The following NBAS variants were observed in gnomAD, a reference collection of about 807,000 sequenced individuals.
NBAS encodes NBAS subunit of NRZ tethering complex.
In NBAS, 219 loss-of-function variants were observed where a neutral mutation model predicts 302.5. That is an observed-to-expected ratio of 0.72 (90% CI 0.65 to 0.81). NBAS has a LOEUF of 0.81. Ranked by LOEUF, NBAS falls within the 30% of genes least tolerant of loss-of-function variation. NBAS has a pLI of 0.00. For synonymous variants in NBAS, 1,118 were observed against 1,021.6 expected, an observed-to-expected ratio of 1.09 and a Z score of -1.80; for missense variants, 2,932 against 2,841.6, an observed-to-expected ratio of 1.03 and a Z score of -0.72.
the NBAS span, among the ~76,000 whole-genome samples, chr2:15,091,784 C>T: frequency 6.6e-6 from 1 of 152,210 alleles, no homozygotes; most frequent in African/African-American, 2.4e-5. Flanking sequence ...CTGCCAGCCT[C>T]GGCCTCCCGA....
chr2:15,279,731 C>T (rs539644209), intron 42 of NBAS, among the ~76,000 whole-genome samples: 2 of 152,254 alleles, frequency 1.3e-5, no homozygotes, highest in Non-Finnish European at 2.9e-5. Context: ...CCTTTACTGA[C>T]TCATGATAAA....
At chr2:15,205,602 C>G (rs547917818) in intron 48 of NBAS, among the ~76,000 whole-genome samples, 84 of 152,080 alleles carry the variant, frequency 5.5e-4, no homozygotes, top group Non-Finnish European at 1.1e-3. Context: ...CAGGAAAGAG[C>G]AGGAGTTGGA....
intron 48 of NBAS, among the ~76,000 whole-genome samples, chr2:15,205,918 T>C (rs895061803): frequency 3.2e-4 from 48 of 152,342 alleles, no homozygotes; most frequent in Admixed American, 3.1e-3. Flanking sequence ...AGGTAGGTCT[T>C]TATAGCAGTG....
intron 51 of NBAS, among the ~76,000 whole-genome samples, chr2:15,178,769 A>C (rs1261447534): frequency 1.3e-5 from 2 of 152,140 alleles, no homozygotes; most frequent in Non-Finnish European, 2.9e-5. Context: ...TGAGCACCAA[A>C]AACACTGAAT....
At chr2:15,000,503 A>G in the NBAS span, among the ~76,000 whole-genome samples, 3 of 152,172 alleles carry the variant, frequency 2.0e-5, no homozygotes, top group Non-Finnish European at 2.9e-5. Flanking sequence ...CAGCACACTG[A>G]CCGAGAGTCT....
At chr2:15,276,732 CA>C in intron 43 of NBAS, 118 bp downstream of exon 43, 1 of 1,474,976 alleles carries the variant, frequency 6.8e-7, no homozygotes, top group Non-Finnish European at 9.4e-7. Context: ...CGATTAGCTT[CA>C]AAATTCTGTG....
chr2:15,123,076 T>C, the NBAS span, among the ~76,000 whole-genome samples: 5 of 152,154 alleles, frequency 3.3e-5, no homozygotes, highest in African/African-American at 1.2e-4. Context: ...CAGGAACAGC[T>C]CAGAGCTGGT....
chr2:15,179,246 C>G, intron 50 of NBAS, 130 bp from the exon 51 acceptor site: 2 of 1,366,532 alleles, frequency 1.5e-6, no homozygotes, highest in South Asian at 2.5e-5. Context: ...CATATGGTAC[C>G]GCACTGGATA....
At chr2:15,485,679 T>C (rs1395634226) in intron 12 of NBAS, among the ~76,000 whole-genome samples, 2 of 152,236 alleles carry the variant, frequency 1.3e-5, no homozygotes, top group Non-Finnish European at 2.9e-5. Flanking sequence ...TATACAAGTA[T>C]GCAATTAGCA....
intron 47 of NBAS, among the ~76,000 whole-genome samples, chr2:15,222,500 A>G (rs1666988417): frequency 6.6e-6 from 1 of 152,212 alleles, no homozygotes; most frequent in Non-Finnish European, 1.5e-5. Flanking sequence ...GTGAATAACA[A>G]TGAAAACAAT....
At chr2:14,886,693 C>T in the NBAS span, 3 of 152,258 alleles carry the variant, frequency 2.0e-5, no homozygotes, top group Admixed American at 2.0e-4. Context: ...CGTATCCAAA[C>T]TCTATTACCA....
At position 15,475,855 on chromosome 2, in the gene NBAS, T is replaced by C. The variant is rs543424467; in HGVS notation, c.1173A>G (p.Ile391Met). 15 of 1,613,670 alleles carry C rather than the reference T, an allele frequency of 9.3e-6. No individual in the cohort carries two copies. The highest frequency in any genetic ancestry group is 1.7e-5 in the Admixed American group (1 of 59,992). Residue 391 changes from isoleucine (I) to methionine (M), a missense_variant, in exon 14 of 52, where the codon ATA (isoleucine) becomes ATG (methionine). Coordinates refer to ENST00000281513, the MANE Select transcript of NBAS (RefSeq NM_015909.4). ...CACTGTCTGCCCACCAATTGACATCTATCAGTGGGTAAAAGGACTCTTTAT... is the reference window on the plus strand; with the variant it reads ...CACTGTCTGCCCACCAATTGACATCCATCAGTGGGTAAAAGGACTCTTTAT... ...IKDKESFYPL[I>M]DVNWWADSAV...
At chr2:15,156,870 G>A in the NBAS span, among the ~76,000 whole-genome samples, 1 of 152,084 alleles carries the variant, frequency 6.6e-6, no homozygotes, top group South Asian at 2.1e-4. Flanking sequence ...ATTGAATCTA[G>A]CTACTTAAAA....
the NBAS span, among the ~76,000 whole-genome samples, chr2:14,962,378 A>G: frequency 6.6e-6 from 1 of 152,274 alleles, no homozygotes; most frequent in African/African-American, 2.4e-5. Flanking sequence ...AATTTCTTAA[A>G]TTTTTCAGAA....
the NBAS span, among the ~76,000 whole-genome samples, chr2:15,131,968 C>T: frequency 5.9e-5 from 9 of 152,286 alleles, no homozygotes; most frequent in Admixed American, 3.3e-4. Flanking sequence ...GAGGGATCCA[C>T]CCCGTGGTCC....
intron 42 of NBAS, among the ~76,000 whole-genome samples, chr2:15,278,452 C>T (rs551323558): frequency 6.6e-6 from 1 of 152,318 alleles, no homozygotes; most frequent in African/African-American, 2.4e-5. Context: ...CCTTGTCTAT[C>T]TTCCTTCCTA....
At chr2:15,075,028 C>G in the NBAS span, among the ~76,000 whole-genome samples, 1 of 152,198 alleles carries the variant, frequency 6.6e-6, no homozygotes, top group East Asian at 1.9e-4. Flanking sequence ...AAAATGCACA[C>G]ACTCTTCAAA....
At chr2:14,982,578 AG>A in the NBAS span, among the ~76,000 whole-genome samples, 2 of 152,138 alleles carry the variant, frequency 1.3e-5, no homozygotes, top group African/African-American at 4.8e-5. Context: ...AGAGAGAAAA[AG>A]CTTTAGGAAA....
In NBAS at chr2:15,561,229, A is replaced by G; in HGVS notation, c.76T>C (p.Leu26=). ...GGTGGCCACTCGGTGTTGACCAACA[A>G]GTCATAGAGAATCGTCTCCTCCTCA... ...EGEEETILYD[L]LVNTEWPPET... is the part of the protein sequence containing the mutation. The change falls in exon 1 of 52, where the codon TTG becomes CTG. Residue 26 remains leucine (L), a synonymous_variant. Transcript: ENST00000281513. 1 of 1,614,004 alleles carries G rather than the reference A, an allele frequency of 6.2e-7. No individual in the cohort carries two copies. Among genetic ancestry groups the G allele is most frequent in the Non-Finnish European group, 8.5e-7 (1 of 1,180,028 alleles).
Sources: gnomAD v4.1 joint callset for allele counts (sites outside exome capture counted in the v4.1 genomes callset) on GRCh38, gnomAD v4.1.1 for gene constraint, MANE v1.5 for transcripts, NCBI Gene and HGNC (gene_info 2026-07-23, HGNC 2026-07-21) for gene names.